Variants in PALM2AKAP2 observed in about 807,000 individuals in gnomAD.
PALM2AKAP2 encodes the protein PALM2 and AKAP2 fusion, also known as PALM2-AKAP2 fusion protein.
Under a neutral mutation model 71.5 loss-of-function variants are expected in PALM2AKAP2, and 37 were observed. The observed-to-expected ratio is 0.52, with a 90% CI of 0.40 to 0.68. The LOEUF (loss-of-function observed/expected upper bound fraction) is 0.68. Among genes scored for constraint, PALM2AKAP2 ranks in the 30% least tolerant of loss-of-function variants. PALM2AKAP2 has a pLI of 0.00. For missense variants in PALM2AKAP2, 1,224 were observed against 1,191.8 expected (o/e 1.03, Z -0.40); for synonymous variants, 468 against 478.8 (o/e 0.98, Z 0.29).
chr9:109,709,883 A>G (rs1828205762), intron 1 of PALM2AKAP2, among the ~76,000 whole-genome samples: 1 of 152,208 alleles, frequency 6.6e-6, no homozygotes, highest in Non-Finnish European at 1.5e-5. Flanking sequence ...CCTAACCCCT[A>G]CTACCTGTGA....
At chr9:110,130,315 T>C (rs558906377) in intron 1 of PALM2AKAP2, among the ~76,000 whole-genome samples, 1 of 152,320 alleles carries the variant, frequency 6.6e-6, no homozygotes, top group Non-Finnish European at 1.5e-5. Flanking sequence ...AAAAGTCTGG[T>C]AGGACTTTTA....
intron 2 of PALM2AKAP2, among the ~76,000 whole-genome samples, chr9:109,869,829 C>T (rs1009147559): frequency 5.9e-5 from 9 of 152,152 alleles, no homozygotes; most frequent in African/African-American, 2.2e-4. Flanking sequence ...TCTGAAGGAA[C>T]ACCCAACACT....
chr9:110,168,630 C>A, exon 4 of PALM2AKAP2: 1 of 1,023,464 alleles, frequency 9.8e-7, no homozygotes, highest in Non-Finnish European at 1.4e-6. Flanking sequence ...AGACCAGAAG[C>A]TGCAATATAC....
intron 1 of PALM2AKAP2, among the ~76,000 whole-genome samples, chr9:109,847,017 G>C (rs768577846): frequency 6.6e-6 from 1 of 152,208 alleles, no homozygotes; most frequent in Non-Finnish European, 1.5e-5. Context: ...GTGGCCAGTG[G>C]GGAGATGGCT....
chr9:109,671,015 A>G lies in PALM2AKAP2; in HGVS notation c.5+30149A>G, dbSNP rs1827564338. On this transcript the variant is annotated intron_variant, in intron 1 of 6. Coordinates refer to the PALM2AKAP2 transcript ENST00000374531. ...TGTTTAAGTTCCTTATTTATGCTGG[A>G]TATTAGACCTTTGTCAGATGCATAG... Among the ~76,000 whole-genome samples, 3 of 152,210 alleles carry G rather than the reference A, an allele frequency of 2.0e-5. No individual in the cohort carries two copies. In the South Asian group the frequency reaches 6.2e-4, roughly 32 times the overall value.
At chr9:110,005,841 TCTC>T (rs1209702232) in intron 6 of PALM2AKAP2, among the ~76,000 whole-genome samples, 2 of 152,128 alleles carry the variant, frequency 1.3e-5, no homozygotes, top group East Asian at 3.9e-4. Flanking sequence ...TGGGATACAA[TCTC>T]CTGGTGTGCC....
intron 3 of PALM2AKAP2, among the ~76,000 whole-genome samples, chr9:109,913,326 A>C (rs186776502): frequency 4.2e-4 from 64 of 152,358 alleles, no homozygotes; most frequent in Non-Finnish European, 3.4e-4. Context: ...TCTTTCTGAT[A>C]TAATTCAGCT....
intron 3 of PALM2AKAP2, among the ~76,000 whole-genome samples, chr9:109,921,275 A>G (rs1405871139): frequency 6.6e-6 from 1 of 152,114 alleles, no homozygotes; most frequent in Non-Finnish European, 1.5e-5. Flanking sequence ...CTGTCTGAGG[A>G]ATTTATAATC....
Position 110,082,097 on chromosome 9 carries a change from G to GTTTTGTTTTT in PALM2AKAP2, c.156+33246_156+33247insGTTTTTTTTT, listed in dbSNP as rs1554749017. ...AAGCAGTGGCTTTTTGTTTTGTTTT[G>GTTTTGTTTTT]TTTTTTTGAGACAGAGTCTCGCTCT... is the stretch of plus-strand genomic sequence containing the variant. On this transcript the variant is annotated intron_variant, in intron 1 of 3. Coordinates refer to ENST00000374525, the Ensembl canonical transcript of PALM2AKAP2. 2.3e-3 allele frequency among the ~76,000 whole-genome samples: 356 copies of GTTTTGTTTTT among 152,040 alleles called. 2 individuals carry two copies. The highest frequency in any genetic ancestry group is 8.2e-3 in the African/African-American group (341 of 41,474).
At chr9:109,858,267 G>T (rs538349126) in intron 1 of PALM2AKAP2, among the ~76,000 whole-genome samples, 5 of 152,306 alleles carry the variant, frequency 3.3e-5, no homozygotes, top group East Asian at 1.9e-4. Flanking sequence ...TCATTAGGTT[G>T]TTGTGAAGAT....
intron 7 of PALM2AKAP2, among the ~76,000 whole-genome samples, chr9:110,028,714 A>G (rs1833226395): frequency 6.6e-6 from 1 of 152,184 alleles, no homozygotes; most frequent in Non-Finnish European, 1.5e-5. Context: ...TAGCTTAGCC[A>G]GATAAAATAT....
rs879237135 is a variant in PALM2AKAP2 at position 109,867,164 on chromosome 9, C to CTCTGTGTGTG, written c.46-326_46-325insCTGTGTGTGT. The CTCTGTGTGTG allele has an allele frequency of 3.0e-3, 1,199 of 399,594 alleles. 2 individuals are homozygous for CTCTGTGTGTG. Among genetic ancestry groups the CTCTGTGTGTG allele is most frequent in the South Asian group, 3.9e-3 (213 of 54,986 alleles). 24.8% of individuals were successfully genotyped at this position (399,594 alleles called of 1,614,324 possible). ...TTAACACTGCACAGAACATGGTTCT[C>CTCTGTGTGTG]TGTGTGTGTGTGTGTGTGTGTGTGT... On this transcript the variant is annotated intron_variant, in intron 1 of 9. Coordinates refer to the PALM2AKAP2 transcript ENST00000302798.
chr9:110,136,296 C>T lies in PALM2AKAP2; in HGVS notation c.326C>T (p.Pro109Leu), dbSNP rs151065500. 0.01 allele frequency: 16,268 copies of T among 1,614,176 alleles called. 122 individuals carry two copies. Among genetic ancestry groups the T allele is most frequent in the South Asian group, 0.024 (2,164 of 91,064 alleles). Residue 109 changes from proline to leucine, a missense_variant, in exon 2 of 4, where the codon CCA becomes CTA. By Grantham distance (98) the Pro-to-Leu change is moderately conservative (BLOSUM62 -3). Coordinates refer to ENST00000374525, the Ensembl canonical transcript of PALM2AKAP2. The stretch of plus-strand genomic sequence containing the variant: ...AGTGTTCCTGGAATCACCTCTACCC[C>T]ACATCCCATGGACCATCCCTCCGCT...
rs756835666 is a variant in PALM2AKAP2 at position 109,999,351 on chromosome 9, A to AAAAT, written c.497-16583_497-16580dup. 3.0e-4 allele frequency among the ~76,000 whole-genome samples: 45 copies of AAAAT among 152,006 alleles called. No homozygotes were observed. The South Asian group carries it at 3.5e-3, about 12-fold the overall frequency. ...CTGGGTGACAGAGCAAGACTGCCTC[A>AAAAT]AAATAAATAAATAAATAAATAAAAT... On this transcript the variant is annotated intron_variant, in intron 6 of 9. Coordinates refer to the PALM2AKAP2 transcript ENST00000302798.
At chr9:110,025,292 C>T in intron 7 of PALM2AKAP2, 1 of 1,189,270 alleles carries the variant, frequency 8.4e-7, no homozygotes, top group African/African-American at 1.5e-5. Flanking sequence ...GGAACAACTC[C>T]ATGTTTTCTA....
intron 1 of PALM2AKAP2, among the ~76,000 whole-genome samples, chr9:110,110,029 T>A (rs1037884035): frequency 3.3e-5 from 5 of 152,142 alleles, no homozygotes; most frequent in Non-Finnish European, 2.9e-5. Context: ...TTGTACAACA[T>A]GGTGACTATA....
chr9:109,807,634 T>C (rs1827615540), intron 1 of PALM2AKAP2, among the ~76,000 whole-genome samples: 1 of 151,956 alleles, frequency 6.6e-6, no homozygotes, highest in Non-Finnish European at 1.5e-5. Flanking sequence ...CTTTAATCTA[T>C]TGGGAAAAGG....
intron 1 of PALM2AKAP2, among the ~76,000 whole-genome samples, chr9:109,655,599 A>G (rs892518927): frequency 6.6e-6 from 1 of 151,872 alleles, no homozygotes; most frequent in African/African-American, 2.4e-5. Context: ...TCATCTCCCT[A>G]TTCTCCCCAC....
upstream of PALM2AKAP2, among the ~76,000 whole-genome samples, chr9:110,046,712 C>T (rs930617119): frequency 2.0e-5 from 3 of 152,182 alleles, no homozygotes; most frequent in African/African-American, 7.2e-5. Context: ...AGATGATCCG[C>T]CCACCTCGGC....
Sources: allele counts gnomAD v4.1 joint callset (sites outside exome capture counted in the v4.1 genomes callset), GRCh38; gene constraint gnomAD v4.1.1; transcripts MANE v1.5; gene names NCBI Gene and HGNC (gene_info 2026-07-23, HGNC 2026-07-21).